AKAP9: variants seen among roughly 807,000 people sequenced by gnomAD.
The protein encoded by AKAP9 is A-kinase anchor protein 9.
AKAP9 carries 311 observed loss-of-function variants against 488.5 expected under a neutral mutation model. That is an observed-to-expected ratio of 0.64 (90% confidence interval 0.58 to 0.70). The LOEUF (loss-of-function observed/expected upper bound fraction) is 0.70, where lower values mean the gene tolerates loss of function less well. Among genes scored for constraint, AKAP9 ranks in the 30% least tolerant of loss-of-function variants. The pLI, the probability that AKAP9 is intolerant of heterozygous loss-of-function variation, is 0.00. For synonymous variants in AKAP9, 1,462 were observed against 1,483.5 expected (o/e 0.99, Z 0.33); for missense variants, 4,215 against 4,374.5 (o/e 0.96, Z 1.03).
chr7:92,012,973 A>ATTTTTTTTTT lies in AKAP9; in HGVS notation c.3532+358_3532+367dup, dbSNP rs749688986. On this transcript the variant is annotated intron_variant, in intron 9 of 49. Transcript: ENST00000356239. ...GGTGGTAGACAGTGGTGGGGTTGGA[A>ATTTTTTTTTT]TTTTTTTTTTTTTTTTTTTTTTTTT... 8.2e-4 allele frequency among the ~76,000 whole-genome samples: 50 copies of ATTTTTTTTTT among 60,752 alleles called. 5 individuals carry two copies. The highest frequency in any genetic ancestry group is 2.5e-3 in the African/African-American group (32 of 13,038). The allele number at this position is 60,752 out of a possible 152,430, so 39.9% of individuals were successfully genotyped here. A position where few individuals can be genotyped will look rare whatever the true frequency, so the allele number is the denominator to read the frequency against.
At chr7:92,059,197 T>G (rs917127647) in intron 22 of AKAP9, among the ~76,000 whole-genome samples, 2 of 151,962 alleles carry the variant, frequency 1.3e-5, no homozygotes, top group African/African-American at 4.8e-5. Context: ...TTACATGTAC[T>G]TTTAATGTAA....
chr7:92,048,951 T>G (rs1807459724), intron 21 of AKAP9, among the ~76,000 whole-genome samples: 1 of 152,202 alleles, frequency 6.6e-6, no homozygotes, highest in Non-Finnish European at 1.5e-5. Flanking sequence ...AGGGCTTCAG[T>G]ACAGTTTTCT....
chr7:92,100,979 T>G lies in AKAP9; in HGVS notation c.11020T>G (p.Tyr3674Asp), dbSNP rs370857870. The G allele has an allele frequency of 6.2e-7, 1 of 1,614,182 alleles. No individual in the cohort carries two copies. The highest frequency in any genetic ancestry group is 2.2e-5 in the East Asian group (1 of 44,880). Residue 3674 changes from tyrosine (Y) to aspartate (D), a missense_variant, in exon 45 of 50, where the codon TAC (tyrosine) becomes GAC (aspartate). Tyr to Asp is a radical substitution (Grantham distance 160). Coordinates refer to ENST00000356239, the MANE Select transcript of AKAP9 (RefSeq NM_005751.5). The part of the protein sequence containing the change: ...KSLKRAEAEV[Y>D]KLKAELRNDS... The stretch of plus-strand genomic sequence containing the variant: ...TTTGAAAAGGGCAGAGGCTGAAGTA[T>G]ACAAACTGAAAGCTGAACTAAGAAA...
In AKAP9 at chr7:92,083,282, T is replaced by C. The variant is rs750075456; in HGVS notation, c.8273T>C (p.Val2758Ala). The stretch of plus-strand genomic sequence containing the variant: ...TTAGAAAAAGAAGATGAGACTGAGG[T>C]ACAAGAAAGCAAAAAGGCCTGCATG... ...SILEKEDETEVQESKKACMFE... is the reference protein window; with the variant it reads ...SILEKEDETEAQESKKACMFE... The change falls in exon 33 of 50, where the codon GTA becomes GCA. Residue 2758 changes from valine (V) to alanine (A), a missense_variant. Physicochemically the swap from Val to Ala is moderately conservative, Grantham distance 64. Coordinates refer to ENST00000356239, the MANE Select transcript of AKAP9 (RefSeq NM_005751.5). 3 of 1,613,980 alleles carry C rather than the reference T, an allele frequency of 1.9e-6. No homozygotes were observed. Among genetic ancestry groups the C allele is most frequent in the South Asian group, 2.2e-5 (2 of 91,074 alleles).
At chr7:92,032,246 C>T (rs758951742) in intron 16 of AKAP9, among the ~76,000 whole-genome samples, 14 of 152,166 alleles carry the variant, frequency 9.2e-5, no homozygotes, top group Non-Finnish European at 1.3e-4. Flanking sequence ...CCTGTAATCC[C>T]ACCGCTTTGG....
chr7:91,967,346 GTATGT>G (rs1794542393), intron 1 of AKAP9, among the ~76,000 whole-genome samples: 1 of 152,146 alleles, frequency 6.6e-6, no homozygotes, highest in African/African-American at 2.4e-5. Flanking sequence ...AGGACTTCCA[GTATGT>G]TGCATGAAAG....
At chr7:92,095,644 G>C (rs1327476456) in intron 40 of AKAP9, among the ~76,000 whole-genome samples, 4 of 152,170 alleles carry the variant, frequency 2.6e-5, no homozygotes, top group African/African-American at 9.7e-5. Flanking sequence ...TTGAGTATCT[G>C]CTTTTAATAG....
At chr7:92,063,602 A>G (rs901739833) in intron 24 of AKAP9, 2 of 525,726 alleles carry the variant, frequency 3.8e-6, no homozygotes, top group Non-Finnish European at 4.9e-6. Flanking sequence ...CTAGTTTTGC[A>G]GTGTTGCTGT....
rs886039006 is a variant in AKAP9, at chr7:92,061,274, A to G, written c.5616A>G (p.Lys1872=). 3 of 1,612,410 alleles carry G rather than the reference A, an allele frequency of 1.9e-6. No homozygotes were observed. The part of the protein sequence containing the change: ...SETSSQLEHA[K]VTQTELMRES... Reference sequence around the variant, plus strand: ...TCTTTGTTTAGCTTGAACATGCGAAAGTGACACAGACAGAGTTGATGCGTG... The same window carrying G: ...TCTTTGTTTAGCTTGAACATGCGAAGGTGACACAGACAGAGTTGATGCGTG... Residue 1872 remains lysine (K), a synonymous_variant, in exon 23 of 50, where the codon AAA becomes AAG. Coordinates refer to ENST00000356239, the MANE Select transcript of AKAP9 (RefSeq NM_005751.5).
At chr7:92,051,613 G>A (rs1807991525) in intron 21 of AKAP9, among the ~76,000 whole-genome samples, 1 of 152,164 alleles carries the variant, frequency 6.6e-6, no homozygotes. Context: ...TTCAGGTCTT[G>A]CGTCTGAAGC....
Position 92,038,687 on chromosome 7 carries a change from A to C in AKAP9, c.4607A>C (p.His1536Pro), listed in dbSNP as rs937791197. The part of the protein sequence containing the change: ...KEILLSNSDP[H>P]DIPESKDCVL... ...ATTTTATTATCAAATAGTGATCCCC[A>C]TGATATACCAGAATCAAAGGACTGT... Residue 1536 changes from histidine (H) to proline (P), a missense_variant, in exon 17 of 50, where the codon CAT becomes CCT. Physicochemically the swap from His to Pro is moderately conservative, Grantham distance 77 (BLOSUM62 -2). Coordinates refer to ENST00000356239, the MANE Select transcript of AKAP9 (RefSeq NM_005751.5). 1.9e-6 allele frequency: 3 copies of C among 1,607,972 alleles called. No homozygotes were observed. The highest frequency in any genetic ancestry group is 1.7e-5 in the Admixed American group (1 of 58,984).
chr7:92,003,248 C>T lies in AKAP9; in HGVS notation c.3318+13C>T. 1 of 1,541,778 alleles carries T rather than the reference C, an allele frequency of 6.5e-7. No homozygotes were observed. Among genetic ancestry groups the T allele is most frequent in the Non-Finnish European group, 9.0e-7 (1 of 1,117,204 alleles). On this transcript the variant is annotated intron_variant, in intron 8 of 49. Coordinates refer to ENST00000356239, the MANE Select transcript of AKAP9 (RefSeq NM_005751.5). The stretch of plus-strand genomic sequence containing the variant: ...TAAATCAGAACAGGTATGTTTACTT[C>T]TTCATATATGGTAAAGCACAATGAA...
chr7:92,081,018 A>C (rs62465421), intron 31 of AKAP9, among the ~76,000 whole-genome samples: 15,237 of 152,206 alleles, frequency 0.1, 984 homozygotes, highest in Middle Eastern at 0.23. Context: ...ATGGATACAG[A>C]CTGTATTTTA....
At chr7:91,985,180 TTG>T (rs1796912221) in intron 3 of AKAP9, among the ~76,000 whole-genome samples, 1 of 152,194 alleles carries the variant, frequency 6.6e-6, no homozygotes, top group Non-Finnish European at 1.5e-5. Context: ...GAGGGCATCC[TTG>T]TCTTGTGTCA....
intron 28 of AKAP9, among the ~76,000 whole-genome samples, chr7:92,075,952 G>C (rs760510787): frequency 1.2e-4 from 19 of 152,178 alleles, no homozygotes; most frequent in Non-Finnish European, 2.5e-4. Context: ...TTGTCACTAA[G>C]TGTTGCTGAG....
chr7:92,101,046 T>G lies in AKAP9; in HGVS notation c.11087T>G (p.Val3696Gly). The G allele has an allele frequency of 6.2e-7, 1 of 1,613,498 alleles. No individual in the cohort carries two copies. The highest frequency in any genetic ancestry group is 8.5e-7 in the Non-Finnish European group (1 of 1,179,970). Residue 3696 changes from valine (V) to glycine (G), a missense_variant, in exon 45 of 50, where the codon GTC becomes GGC. Val to Gly is a moderately radical substitution (Grantham distance 109, BLOSUM62 -3). Transcript: ENST00000356239. ...ACTCTGAGCCCTGATTCTGAACATG[T>G]CACTTTAAAGGTAGGAGACATCTCC... ...LQTLSPDSEH[V>G]TLKRIYGKYL...
Position 92,110,149 on chromosome 7 carries a change from T to G in AKAP9, c.11714T>G (p.Met3905Arg). 8 of 1,601,336 alleles carry G rather than the reference T, an allele frequency of 5.0e-6. No individual in the cohort carries two copies. The highest frequency in any genetic ancestry group is 5.1e-6 in the Non-Finnish European group (6 of 1,171,328). Reference protein sequence around the residue: ...SGSTTQFHAGMRR With the variant: ...SGSTTQFHAGRRR ...TCAACTACTCAATTTCATGCTGGCA[T>G]GAGAAGATAATCCTTTGAAACATCA... Residue 3905 changes from methionine (M) to arginine (R), a missense_variant, in exon 50 of 50, where the codon ATG (methionine) becomes AGG (arginine). Transcript: ENST00000356239.
At chr7:91,960,425 G>A (rs930499329) in intron 1 of AKAP9, among the ~76,000 whole-genome samples, 5 of 152,140 alleles carry the variant, frequency 3.3e-5, no homozygotes, top group Admixed American at 2.6e-4. Context: ...TGGAAAGTTG[G>A]ATTTTGAGTC....
rs761921630 is a variant in AKAP9, at chr7:92,070,042, G to A, written c.6343G>A (p.Ala2115Thr). 1 of 1,612,526 alleles carries A rather than the reference G, an allele frequency of 6.2e-7. No individual in the cohort carries two copies. Among genetic ancestry groups the A allele is most frequent in the Non-Finnish European group, 8.5e-7 (1 of 1,179,688 alleles). ...TCTTATATTTCAGGTTGAACAGTTA[G>A]CAAATCATCTGAAAGAAAAAACAGA... ...EHQTREVEQL[A>T]NHLKEKTDKC... is the part of the protein sequence containing the mutation. Residue 2115 changes from alanine to threonine, a missense_variant, in exon 27 of 50, where the codon GCA becomes ACA. Physicochemically the swap from Ala to Thr is moderately conservative, Grantham distance 58 (BLOSUM62 0). This residue lies in a region of AKAP9 where 2,361 missense variants were observed against 2,430.0 expected (regional missense o/e 0.97). Coordinates refer to ENST00000356239, the MANE Select transcript of AKAP9 (RefSeq NM_005751.5).
Sources: allele counts gnomAD v4.1 joint callset (sites outside exome capture counted in the v4.1 genomes callset), GRCh38; gene constraint gnomAD v4.1.1; regional missense constraint gnomAD v4.1.1; transcripts MANE v1.5; gene names NCBI Gene and HGNC (gene_info 2026-07-23, HGNC 2026-07-21).